The following LYPLAL1 variants were observed in gnomAD, a reference collection of about 807,000 sequenced individuals.
LYPLAL1 encodes the protein lysophospholipase-like protein 1.
In LYPLAL1, 23 loss-of-function variants were observed where a neutral mutation model predicts 19.7. The ratio of observed to expected loss-of-function variants is 1.17; its 90% CI spans 0.84 to 1.65. The LOEUF is 1.65. Ranked by LOEUF, LYPLAL1 falls within the 40% of genes most tolerant of loss-of-function variation. LYPLAL1 has a pLI of 0.00. For missense variants in LYPLAL1, 355 were observed against 279.4 expected (o/e 1.27, Z -1.93); for synonymous variants, 119 against 96.3 (o/e 1.24, Z -1.38).
chr1:219,282,933 GA>G, the LYPLAL1 span, among the ~76,000 whole-genome samples: 2 of 152,110 alleles, frequency 1.3e-5, no homozygotes, highest in Non-Finnish European at 2.9e-5. Context: ...ATAAAGGAAT[GA>G]AAGTTATCAT....
intron 3 of LYPLAL1, among the ~76,000 whole-genome samples, chr1:219,197,159 C>A (rs1008814065): frequency 4.6e-5 from 7 of 152,038 alleles, no homozygotes; most frequent in Non-Finnish European, 7.4e-5. Flanking sequence ...AAAAAAGAGC[C>A]CATATAGCCA....
At position 219,174,082 on chromosome 1, in the gene LYPLAL1, A is replaced by G. The variant is rs1011663748; in HGVS notation, c.91+101A>G. On this transcript the variant is annotated intron_variant, in intron 1 of 4. Coordinates refer to ENST00000366928, the MANE Select transcript of LYPLAL1 (RefSeq NM_138794.5). ...AGTGGAGGTGTCGCCGGGCCCAAAT[A>G]GGGCCCAGTGGGTGGCTCCCCCGTC... 13 of 1,544,546 alleles carry G rather than the reference A, an allele frequency of 8.4e-6. 1 individual carries two copies. The highest frequency in any genetic ancestry group is 1.7e-4 in the Middle Eastern group (1 of 5,886).
chr1:219,210,651 A>C lies in LYPLAL1; in HGVS notation c.477+4A>C. 1 of 1,593,416 alleles carries C rather than the reference A, an allele frequency of 6.3e-7. No individual in the cohort carries two copies. Among genetic ancestry groups the C allele is most frequent in the Non-Finnish European group, 8.5e-7 (1 of 1,173,000 alleles). ...TAAAGCATCTGCTGTTTACCAGGTA[A>C]GTTCCAGATTTAAAAAAAAATGAAA... On this transcript the variant is annotated splice_donor_region_variant and intron_variant, in intron 4 of 4. Transcript: ENST00000366928.
the LYPLAL1 span, among the ~76,000 whole-genome samples, chr1:219,244,742 C>T: frequency 2.0e-5 from 3 of 151,802 alleles, no homozygotes; most frequent in Admixed American, 6.6e-5. Context: ...GGTCAGGAGT[C>T]GGAGACCAGA....
At chr1:219,282,134 A>G in the LYPLAL1 span, among the ~76,000 whole-genome samples, 1 of 152,228 alleles carries the variant, frequency 6.6e-6, no homozygotes, top group South Asian at 2.1e-4. Context: ...AATGTCCTCA[A>G]AGATACACAG....
chr1:219,352,578 TG>T, the LYPLAL1 span, among the ~76,000 whole-genome samples: 1 of 152,100 alleles, frequency 6.6e-6, no homozygotes, highest in Non-Finnish European at 1.5e-5. Flanking sequence ...ATAAATAAAA[TG>T]AAATATGAAA....
chr1:219,427,623 A>G, the LYPLAL1 span, among the ~76,000 whole-genome samples: 2 of 152,246 alleles, frequency 1.3e-5, no homozygotes, highest in African/African-American at 4.8e-5. Context: ...TGCCAGTGTT[A>G]GAGAGGCATG....
chr1:219,437,892 G>A, the LYPLAL1 span, among the ~76,000 whole-genome samples: 1,350 of 151,824 alleles, frequency 8.9e-3, 21 homozygotes, highest in African/African-American at 0.031. Context: ...TCAGTCTCCC[G>A]TGTAGCTGGG....
At chr1:219,366,095 A>G in the LYPLAL1 span, among the ~76,000 whole-genome samples, 10,305 of 152,214 alleles carry the variant, frequency 0.068, 494 homozygotes, top group South Asian at 0.14. Flanking sequence ...TCATGTTGCT[A>G]TAGTGGGAGT....
At chr1:219,224,347 C>T in the LYPLAL1 span, among the ~76,000 whole-genome samples, 1 of 152,078 alleles carries the variant, frequency 6.6e-6, no homozygotes, top group African/African-American at 2.4e-5. Context: ...ATATCAATTT[C>T]AAATAGTAGC....
At chr1:219,377,948 C>T in the LYPLAL1 span, among the ~76,000 whole-genome samples, 1 of 152,156 alleles carries the variant, frequency 6.6e-6, no homozygotes, top group Non-Finnish European at 1.5e-5. Context: ...TTCAATTCTG[C>T]AACTGTAGCA....
the LYPLAL1 span, among the ~76,000 whole-genome samples, chr1:219,248,756 G>T: frequency 6.6e-6 from 1 of 152,074 alleles, no homozygotes; most frequent in African/African-American, 2.4e-5. Context: ...CAACATTGAA[G>T]AGTATTGTGA....
intron 2 of LYPLAL1, among the ~76,000 whole-genome samples, chr1:219,179,939 G>A (rs1224845353): frequency 2.0e-5 from 3 of 152,044 alleles, no homozygotes; most frequent in East Asian, 1.9e-4. Flanking sequence ...GTGGAGCTAC[G>A]CCCCAATCTG....
chr1:219,373,868 AAAAAAAAAAAAAAC>A, the LYPLAL1 span, among the ~76,000 whole-genome samples: 3 of 21,692 alleles, frequency 1.4e-4, no homozygotes, highest in East Asian at 4.4e-3. Context: ...ATTGTCAAAA[AAAAAAAAAAAAAAC>A]AAAAAAAAAA....
At chr1:219,443,118 C>G in the LYPLAL1 span, among the ~76,000 whole-genome samples, 3 of 151,396 alleles carry the variant, frequency 2.0e-5, no homozygotes, top group Non-Finnish European at 2.9e-5. Flanking sequence ...GAAAATTTAA[C>G]GCCTGAATGA....
chr1:219,431,717 C>T, the LYPLAL1 span, among the ~76,000 whole-genome samples: 5 of 152,212 alleles, frequency 3.3e-5, no homozygotes, highest in African/African-American at 9.7e-5. Context: ...GAAAATTACT[C>T]TCACTAAACA....
chr1:219,373,942 C>T, the LYPLAL1 span, among the ~76,000 whole-genome samples: 4 of 144,154 alleles, frequency 2.8e-5, no homozygotes, highest in Admixed American at 2.0e-4. Context: ...AAAAATAAAA[C>T]CAAACCAAAC....
At chr1:219,356,395 G>A in the LYPLAL1 span, among the ~76,000 whole-genome samples, 1 of 152,172 alleles carries the variant, frequency 6.6e-6, no homozygotes, top group Non-Finnish European at 1.5e-5. Context: ...AGCTACTTGG[G>A]AGGCTGAGGC....
At chr1:219,215,357 A>G (rs1000375940), downstream of LYPLAL1, among the ~76,000 whole-genome samples, 2 of 151,906 alleles carry the variant, frequency 1.3e-5, no homozygotes, top group African/African-American at 4.8e-5. Flanking sequence ...TTCTGTATCT[A>G]TTGTGTCTTT....
Sources: allele counts gnomAD v4.1 joint callset (sites outside exome capture counted in the v4.1 genomes callset), GRCh38; gene constraint gnomAD v4.1.1; transcripts MANE v1.5; gene names NCBI Gene and HGNC (gene_info 2026-07-23, HGNC 2026-07-21).